The following RAPGEF2 variants were observed in gnomAD, a reference collection of about 807,000 sequenced individuals.
RAPGEF2 encodes PDZ domain containing guanine nucleotide exchange factor (GEF) 1.
Under a neutral mutation model 186.7 loss-of-function variants are expected in RAPGEF2, and 54 were observed. The ratio of observed to expected loss-of-function variants is 0.29; its 90% CI spans 0.23 to 0.36. The LOEUF (loss-of-function observed/expected upper bound fraction) is 0.36. Among genes scored for constraint, RAPGEF2 ranks in the 10% least tolerant of loss-of-function variants. The probability of loss-of-function intolerance (pLI) is 1.00; values close to 1 mark genes in which losing one functional copy is unlikely to be tolerated. For synonymous variants in RAPGEF2, 712 were observed against 705.9 expected (o/e 1.01, Z -0.14); for missense variants, 1,532 against 2,045.0 (o/e 0.75, Z 4.84).
At chr4:159,132,087 G>A (rs927035868) in intron 1 of RAPGEF2, among the ~76,000 whole-genome samples, 1 of 152,180 alleles carries the variant, frequency 6.6e-6, no homozygotes, top group African/African-American at 2.4e-5. Flanking sequence ...TTAGCTTGAG[G>A]GTGAACTTTG....
At chr4:159,198,959 C>T (rs1159459969) in intron 3 of RAPGEF2, among the ~76,000 whole-genome samples, 1 of 150,794 alleles carries the variant, frequency 6.6e-6, no homozygotes, top group Non-Finnish European at 1.5e-5. Context: ...GCCTGTAATT[C>T]CAGCTACTTG....
chr4:159,271,897 G>A (rs1472205751), intron 7 of RAPGEF2, among the ~76,000 whole-genome samples: 1 of 152,164 alleles, frequency 6.6e-6, no homozygotes, highest in Non-Finnish European at 1.5e-5. Context: ...TGAGACTTGA[G>A]TTGAGATGGT....
chr4:159,284,481 G>GACACACACACAC (rs36232973), intron 7 of RAPGEF2, among the ~76,000 whole-genome samples: 1 of 140,352 alleles, frequency 7.1e-6, no homozygotes, highest in African/African-American at 2.6e-5. Flanking sequence ...CCGCCATGGA[G>GACACACACACAC]ACACACACAC....
intron 3 of RAPGEF2, among the ~76,000 whole-genome samples, chr4:159,196,226 G>A (rs1430609112): frequency 6.6e-6 from 1 of 152,046 alleles, no homozygotes; most frequent in East Asian, 1.9e-4. Context: ...ACATGTTTCT[G>A]CTCTTACCAA....
intron 24 of RAPGEF2, among the ~76,000 whole-genome samples, chr4:159,346,398 C>T (rs1213833616): frequency 1.3e-5 from 2 of 152,204 alleles, no homozygotes; most frequent in Non-Finnish European, 2.9e-5. Flanking sequence ...ACATGTCAAA[C>T]AATTTGGGAC....
intron 7 of RAPGEF2, among the ~76,000 whole-genome samples, chr4:159,285,902 C>G (rs1390861117): frequency 6.6e-6 from 1 of 152,084 alleles, no homozygotes; most frequent in African/African-American, 2.4e-5. Flanking sequence ...AATGAGACAT[C>G]AATTGGTTGA....
At chr4:159,162,221 CA>C (rs35274144) in intron 1 of RAPGEF2, among the ~76,000 whole-genome samples, 1,401 of 98,210 alleles carry the variant, frequency 0.014, 8 homozygotes, top group Middle Eastern at 0.046. Flanking sequence ...TGTGTTTCTT[CA>C]AAAAAAAAAA....
At chr4:159,143,926 A>G (rs1742624560) in intron 1 of RAPGEF2, among the ~76,000 whole-genome samples, 1 of 152,202 alleles carries the variant, frequency 6.6e-6, no homozygotes, top group Non-Finnish European at 1.5e-5. Flanking sequence ...CCAGATGTGT[A>G]TAGTCAGTTT....
At chr4:159,333,224 C>G (rs977785284) in intron 17 of RAPGEF2, among the ~76,000 whole-genome samples, 2 of 151,976 alleles carry the variant, frequency 1.3e-5, no homozygotes, top group Admixed American at 6.6e-5. Context: ...GTGATCCACC[C>G]GCCTCGGCCT....
intron 8 of RAPGEF2, among the ~76,000 whole-genome samples, chr4:159,308,836 G>A (rs942759139): frequency 1.3e-5 from 2 of 152,150 alleles, no homozygotes; most frequent in African/African-American, 4.8e-5. Context: ...TTAGACTTCT[G>A]TTTTCTCTCG....
intron 19 of RAPGEF2, 24 bp from the exon 20 acceptor site, chr4:159,341,540 C>G (rs1729474057): frequency 1.3e-6 from 2 of 1,550,412 alleles, no homozygotes; most frequent in African/African-American, 1.4e-5. Flanking sequence ...GGCTTTGACT[C>G]TGATATGTTT....
intron 1 of RAPGEF2, among the ~76,000 whole-genome samples, chr4:159,119,114 A>G (rs1739381185): frequency 6.6e-6 from 1 of 152,198 alleles, no homozygotes; most frequent in Admixed American, 6.5e-5. Flanking sequence ...CAAGAACTGC[A>G]GATATAGGGG....
chr4:159,330,607 G>A (rs1249042482), intron 13 of RAPGEF2, 109 bp downstream of exon 13: 5 of 790,748 alleles, frequency 6.3e-6, no homozygotes, highest in Non-Finnish European at 9.7e-6. Flanking sequence ...TAATGAAATA[G>A]GAGAATGTAA....
At chr4:159,342,538 T>G (rs1053028124) in intron 20 of RAPGEF2, among the ~76,000 whole-genome samples, 3 of 110,208 alleles carry the variant, frequency 2.7e-5, no homozygotes, top group African/African-American at 1.2e-4. Flanking sequence ...TTTATTTTAT[T>G]TTATTTTATT....
intron 4 of RAPGEF2, among the ~76,000 whole-genome samples, chr4:159,214,224 T>G (rs575120212): frequency 1.3e-5 from 2 of 152,276 alleles, no homozygotes; most frequent in Non-Finnish European, 2.9e-5. Context: ...TTGTGGACAC[T>G]GTTGTAAGGT....
chr4:159,344,765 A>G (rs1467580508), intron 23 of RAPGEF2, among the ~76,000 whole-genome samples: 1 of 152,188 alleles, frequency 6.6e-6, no homozygotes, highest in Non-Finnish European at 1.5e-5. Flanking sequence ...GCAAATCTTA[A>G]TGATTATAGC....
intron 10 of RAPGEF2, 130 bp downstream of exon 10, chr4:159,322,613 A>C: frequency 1.5e-6 from 1 of 688,734 alleles, no homozygotes; most frequent in Non-Finnish European, 2.5e-6. Flanking sequence ...TAATTCAAGA[A>C]TTATGGTACA....
At chr4:159,258,721 C>T (rs998588987) in intron 7 of RAPGEF2, among the ~76,000 whole-genome samples, 1 of 152,064 alleles carries the variant, frequency 6.6e-6, no homozygotes, top group Admixed American at 6.6e-5. Context: ...TGTGTATATC[C>T]TTTGCACAAC....
chr4:159,151,070 G>T (rs760183751), intron 1 of RAPGEF2, among the ~76,000 whole-genome samples: 3 of 152,208 alleles, frequency 2.0e-5, no homozygotes, highest in Non-Finnish European at 4.4e-5. Flanking sequence ...ACAAATCGGA[G>T]ACTTATATTG....
Sources: allele counts gnomAD v4.1 joint callset (sites outside exome capture counted in the v4.1 genomes callset), GRCh38; gene constraint gnomAD v4.1.1; transcripts MANE v1.5; gene names NCBI Gene and HGNC (gene_info 2026-07-23, HGNC 2026-07-21).